Variants in ANKEF1 observed in about 807,000 individuals in gnomAD.
ANKEF1 encodes ankyrin repeat and EF-hand domain containing 1, also known as ankyrin repeat and EF-hand domain-containing protein 1.
A neutral mutation model predicts 65.1 loss-of-function variants in ANKEF1; 43 were observed. The ratio of observed to expected loss-of-function variants is 0.66; its 90% CI spans 0.52 to 0.85. The LOEUF (loss-of-function observed/expected upper bound fraction) is 0.85, where lower values mean the gene tolerates loss of function less well. Ranked by LOEUF, ANKEF1 falls within the 40% of genes least tolerant of loss-of-function variation. The pLI, the probability that ANKEF1 is intolerant of heterozygous loss-of-function variation, is 0.00. For missense variants in ANKEF1, 934 were observed against 952.9 expected (o/e 0.98, Z 0.26); for synonymous variants, 316 against 341.5 (o/e 0.93, Z 0.82).
In ANKEF1 at chr20:10,043,260, A is replaced by T. The variant is rs1984301125; in HGVS notation, c.485A>T (p.Asp162Val). The T allele has an allele frequency of 1.2e-6, 2 of 1,614,202 alleles. No homozygotes were observed. Among genetic ancestry groups the T allele is most frequent in the Non-Finnish European group, 1.7e-6 (2 of 1,180,020 alleles). ...IFLRACEDAH[D>V]VKDVCLTFLE... The stretch of plus-strand genomic sequence containing the variant: ...CTTAGAGCTTGTGAAGATGCACATG[A>T]TGTTAAAGATGTGTGCCTGACATTT... The change falls in exon 4 of 11, where the codon GAT (aspartate) becomes GTT (valine). Residue 162 changes from aspartate to valine, a missense_variant. By Grantham distance (152) the Asp-to-Val change is radical. Transcript: ENST00000378392.
intron 3 of ANKEF1, chr20:10,040,617 A>C (rs1406075882): frequency 1.3e-5 from 2 of 152,128 alleles, no homozygotes; most frequent in Non-Finnish European, 2.9e-5. Context: ...TGGTTTTTGC[A>C]TTTACAGGCA....
intron 6 of ANKEF1, 31 bp downstream of exon 6, chr20:10,045,728 G>A (rs780996228): frequency 6.2e-7 from 1 of 1,611,246 alleles, no homozygotes; most frequent in Admixed American, 1.7e-5. Context: ...TGTGCTTCAA[G>A]TACTTATGAT....
chr20:10,055,680 GGGGTAAATGCTTTGAGGCCCA>G lies in ANKEF1; in HGVS notation c.*24_*44del. ...ACCTAAGTCATAGCAGTTATTTCTTGGGGTAAATGCTTTGAGGCCCAGGGACCAATCTTTGGAGAAAGTAGA... is the reference window on the plus strand; with the variant it reads ...ACCTAAGTCATAGCAGTTATTTCTTGGGGACCAATCTTTGGAGAAAGTAGA... On this transcript the variant is annotated 3_prime_UTR_variant, in exon 11 of 11. Transcript: ENST00000378392. 1.2e-6 allele frequency: 2 copies of G among 1,613,256 alleles called. No individual in the cohort carries two copies. Among genetic ancestry groups the G allele is most frequent in the Non-Finnish European group, 8.5e-7 (1 of 1,179,408 alleles).
At chr20:10,047,526 C>A (rs1380938182) in intron 6 of ANKEF1, among the ~76,000 whole-genome samples, 6 of 152,212 alleles carry the variant, frequency 3.9e-5, no homozygotes, top group African/African-American at 1.4e-4. Flanking sequence ...AGCATTTGTG[C>A]TGGCTGGATT....
At chr20:10,038,057 T>C (rs547531599) in intron 2 of ANKEF1, among the ~76,000 whole-genome samples, 1 of 152,272 alleles carries the variant, frequency 6.6e-6, no homozygotes, top group South Asian at 2.1e-4. Flanking sequence ...CAAACTATTT[T>C]TAATTATGAT....
At chr20:10,045,804 T>C (rs572085784) in intron 6 of ANKEF1, 107 bp downstream of exon 6, 3 of 1,103,688 alleles carry the variant, frequency 2.7e-6, no homozygotes, top group African/African-American at 1.6e-5. Flanking sequence ...TTTTTTTCTA[T>C]AGCAAAACCT....
chr20:10,041,987 T>C (rs980554171), intron 3 of ANKEF1, among the ~76,000 whole-genome samples: 3 of 152,092 alleles, frequency 2.0e-5, no homozygotes, highest in African/African-American at 7.2e-5. Context: ...TTGATTATAC[T>C]GTAGCATTGA....
Position 10,038,460 on chromosome 20 carries a change from C to G in ANKEF1, c.159C>G (p.His53Gln), listed in dbSNP as rs372084219. ...TEPINGLSAL[H>Q]LASVSNDIDM... is the part of the protein sequence containing the mutation. ...CCATTAATGGACTTAGTGCTTTGCACTTAGCCTCAGTTTCCAATGATATTG... is the reference window on the plus strand; with the variant it reads ...CCATTAATGGACTTAGTGCTTTGCAGTTAGCCTCAGTTTCCAATGATATTG... The change falls in exon 3 of 11, where the codon CAC (histidine) becomes CAG (glutamine). Residue 53 changes from histidine (H) to glutamine (Q), a missense_variant. Physicochemically the swap from His to Gln is conservative, Grantham distance 24. Transcript: ENST00000378392. 1.2e-6 allele frequency: 2 copies of G among 1,614,214 alleles called. No individual in the cohort carries two copies. Among genetic ancestry groups the G allele is most frequent in the African/African-American group, 2.7e-5 (2 of 75,056 alleles).
intron 6 of ANKEF1, among the ~76,000 whole-genome samples, chr20:10,047,323 A>C (rs75666939): frequency 1.3e-5 from 2 of 152,188 alleles, no homozygotes; most frequent in Non-Finnish European, 2.9e-5. Flanking sequence ...AGTTCTGTGC[A>C]TGTTCGGAAA....
Position 10,055,591 on chromosome 20 carries a change from T to C in ANKEF1, c.2262T>C (p.Asp754=). 1 of 1,613,776 alleles carries C rather than the reference T, an allele frequency of 6.2e-7. No homozygotes were observed. Among genetic ancestry groups the C allele is most frequent in the Non-Finnish European group, 8.5e-7 (1 of 1,179,798 alleles). ...ERFTHEVDFD[D]FMMPFQKNIT... is the part of the protein sequence containing the mutation. ...TTACACATGAGGTGGACTTCGACGA[T>C]TTTATGATGCCTTTTCAGAAGAACA... is the stretch of plus-strand genomic sequence containing the variant. Residue 754 remains aspartate (D), a synonymous_variant, in exon 11 of 11, where the codon GAT becomes GAC. Coordinates refer to ENST00000378392, the MANE Select transcript of ANKEF1 (RefSeq NM_022096.6).
intron 2 of ANKEF1, among the ~76,000 whole-genome samples, chr20:10,037,085 A>T (rs1000549884): frequency 2.0e-5 from 3 of 152,204 alleles, no homozygotes; most frequent in Non-Finnish European, 4.4e-5. Flanking sequence ...GTGAGGGAGC[A>T]GGCTTGCGAT....
At position 10,038,485 on chromosome 20, in the gene ANKEF1, G is replaced by A. The variant is rs748359998; in HGVS notation, c.184G>A (p.Asp62Asn). Reference sequence around the variant, plus strand: ...CTTAGCCTCAGTTTCCAATGATATTGATATGGTCAGCTTTCTCCTTGACCT... The same window carrying A: ...CTTAGCCTCAGTTTCCAATGATATTAATATGGTCAGCTTTCTCCTTGACCT... ...LHLASVSNDI[D>N]MVSFLLDLGA... The change falls in exon 3 of 11, where the codon GAT becomes AAT. Residue 62 changes from aspartate (D) to asparagine (N), a missense_variant. By Grantham distance (23) the Asp-to-Asn change is conservative (BLOSUM62 1). Transcript: ENST00000378392. The A allele has an allele frequency of 9.9e-6, 16 of 1,614,074 alleles. No individual in the cohort carries two copies. In the African/African-American group the frequency reaches 2.0e-4, roughly 20 times the overall value.
At position 10,051,552 on chromosome 20, in the gene ANKEF1, A is replaced by G. The variant is rs931646709; in HGVS notation, c.1644-111A>G. On this transcript the variant is annotated intron_variant, in intron 7 of 10. Transcript: ENST00000378392. ...GGTTTGAAGAAAAATTATGGCACAA[A>G]GTTTACAATTTAGCAACTTGATAGA... is the stretch of plus-strand genomic sequence containing the variant. The G allele has an allele frequency of 8.5e-5, 68 of 800,342 alleles. No individual in the cohort carries two copies. In the Middle Eastern group the frequency reaches 8.5e-4, roughly 10 times the overall value. The allele number at this position is 800,342 out of a possible 1,614,324, so 49.6% of individuals were successfully genotyped here.
chr20:10,051,612 C>T, intron 7 of ANKEF1, 51 bp from the exon 8 acceptor site: 2 of 1,377,174 alleles, frequency 1.5e-6, no homozygotes, highest in East Asian at 2.3e-5. Context: ...TTTTAGTGTC[C>T]AGTCATTGGA....
chr20:10,043,652 C>CTTT (rs374135080), intron 4 of ANKEF1, among the ~76,000 whole-genome samples: 855 of 81,346 alleles, frequency 0.011, 6 homozygotes, highest in Non-Finnish European at 0.016. Context: ...TTTTCTTTTC[C>CTTT]TTTTTTTTTT....
intron 5 of ANKEF1, among the ~76,000 whole-genome samples, chr20:10,045,195 G>T (rs890240475): frequency 6.6e-6 from 1 of 152,296 alleles, no homozygotes; most frequent in South Asian, 2.1e-4. Context: ...CCCCTTGGAT[G>T]CTGTTTTCCA....
Position 10,038,488 on chromosome 20 carries a change from A to G in ANKEF1, c.187A>G (p.Met63Val), listed in dbSNP as rs1983991124. The G allele has an allele frequency of 1.2e-6, 2 of 1,614,220 alleles. No homozygotes were observed. Among genetic ancestry groups the G allele is most frequent in the Non-Finnish European group, 8.5e-7 (1 of 1,180,030 alleles). ...HLASVSNDID[M>V]VSFLLDLGAH... ...AGCCTCAGTTTCCAATGATATTGAT[A>G]TGGTCAGCTTTCTCCTTGACCTTGG... The change falls in exon 3 of 11, where the codon ATG becomes GTG. Residue 63 changes from methionine (M) to valine (V), a missense_variant. Transcript: ENST00000378392.
intron 8 of ANKEF1, among the ~76,000 whole-genome samples, chr20:10,052,377 G>A (rs1253854750): frequency 6.6e-6 from 1 of 152,076 alleles, no homozygotes; most frequent in African/African-American, 2.4e-5. Context: ...ATACCCTATA[G>A]ACTTTGGGTT....
rs768341392 is a variant in ANKEF1 at position 10,053,275 on chromosome 20, G to A, written c.2034G>A (p.Glu678=). 9 of 1,584,574 alleles carry A rather than the reference G, an allele frequency of 5.7e-6. No individual in the cohort carries two copies. Among genetic ancestry groups the A allele is most frequent in the South Asian group, 2.3e-5 (2 of 85,266 alleles). ...KTEGPEIKKE[E]ELLSSIYGVP... ...AAGGCCCTGAAATTAAGAAAGAAGA[G>A]GTAAGAAAAATGGTTGACTACCCAT... is the stretch of plus-strand genomic sequence containing the variant. Residue 678 remains glutamate, a splice_region_variant and synonymous_variant, in exon 9 of 11, where the codon GAG becomes GAA. Transcript: ENST00000378392.
Sources: gnomAD v4.1 joint callset for allele counts (sites outside exome capture counted in the v4.1 genomes callset) on GRCh38, gnomAD v4.1.1 for gene constraint, MANE v1.5 for transcripts, NCBI Gene and HGNC (gene_info 2026-07-23, HGNC 2026-07-21) for gene names.